STX1B: variants seen among roughly 807,000 people sequenced by gnomAD.
STX1B encodes syntaxin 1B.
Under a neutral mutation model 39.4 loss-of-function variants are expected in STX1B, and 7 were observed. The ratio of observed to expected loss-of-function variants is 0.18; its 90% CI spans 0.10 to 0.33. The LOEUF is 0.33. STX1B is among the 10% of genes least tolerant of loss of function. The pLI is 1.00. For synonymous variants in STX1B, 136 were observed against 144.1 expected (o/e 0.94, Z 0.40); for missense variants, 198 against 383.2 (o/e 0.52, Z 4.04).
chr16:30,993,377 A>C lies in STX1B; in HGVS notation c.645T>G (p.Phe215Leu). The C allele has an allele frequency of 6.2e-7, 1 of 1,614,186 alleles. No homozygotes were observed. Residue 215 changes from phenylalanine (F) to leucine (L), a missense_variant, in exon 8 of 10, where the codon TTT becomes TTG. Phe to Leu is a conservative substitution (Grantham distance 22). Coordinates refer to ENST00000215095, the MANE Select transcript of STX1B (RefSeq NM_052874.5). ...ETSIRELHDM[F>L]VDMAMLVESQ... ...TCTCTACGAGCATGGCCATGTCCAC[A>C]AACATATCGTGCAGCTCGCGGATGC...
chr16:30,994,622 G>A (rs2056582141), intron 7 of STX1B, among the ~76,000 whole-genome samples: 1 of 124,496 alleles, frequency 8.0e-6, no homozygotes, highest in Admixed American at 8.3e-5. Context: ...GTGGGGAAGA[G>A]ACCGTGACCC....
In STX1B at chr16:30,993,453, G is replaced by A. The variant is rs369310107; in HGVS notation, c.569C>T (p.Ala190Val). 6.8e-6 allele frequency: 11 copies of A among 1,613,912 alleles called. No individual in the cohort carries two copies. Among genetic ancestry groups the A allele is most frequent in the Non-Finnish European group, 9.3e-6 (11 of 1,180,014 alleles). ...IKMDSQMTKQALNEIETRHNE... is the reference protein window; with the variant it reads ...IKMDSQMTKQVLNEIETRHNE... ...GTGCCTCGTCTCAATCTCATTCAGCGCCTGCTTCGTCATCTGTGAGTCCAT... is the reference window on the plus strand; with the variant it reads ...GTGCCTCGTCTCAATCTCATTCAGCACCTGCTTCGTCATCTGTGAGTCCAT... Residue 190 changes from alanine to valine, a missense_variant, in exon 8 of 10, where the codon GCG becomes GTG. Physicochemically the swap from Ala to Val is moderately conservative, Grantham distance 64. Transcript: ENST00000215095.
At chr16:31,004,036 C>G (rs1270188510) in intron 1 of STX1B, among the ~76,000 whole-genome samples, 1 of 152,196 alleles carries the variant, frequency 6.6e-6, no homozygotes, top group Admixed American at 6.5e-5. Flanking sequence ...GCTACCTCCC[C>G]CACTGACTTT....
At position 31,002,447 on chromosome 16, in the gene STX1B, C is replaced by A. The variant is rs183956123; in HGVS notation, c.31-844G>T. On this transcript the variant is annotated intron_variant, in intron 1 of 9. Coordinates refer to ENST00000215095, the MANE Select transcript of STX1B (RefSeq NM_052874.5). ...CACAGGAATAGGCCCCCCCGACACC[C>A]ACACGGAGATGCACTGATGCTGGCG... Among the ~76,000 whole-genome samples, 35 of 151,204 alleles carry A rather than the reference C, an allele frequency of 2.3e-4. No homozygotes were observed. In the East Asian group the frequency reaches 6.5e-3, roughly 28 times the overall value.
At chr16:31,004,190 T>C (rs905278574) in intron 1 of STX1B, among the ~76,000 whole-genome samples, 1 of 152,248 alleles carries the variant, frequency 6.6e-6, no homozygotes, top group Non-Finnish European at 1.5e-5. Flanking sequence ...TCATTTAATC[T>C]TCATTAGGAC....
chr16:31,007,723 A>AG (rs1015193064), intron 1 of STX1B, among the ~76,000 whole-genome samples: 5 of 152,166 alleles, frequency 3.3e-5, no homozygotes, highest in African/African-American at 1.2e-4. Context: ...TGCCCATCGC[A>AG]GGGGGCTTGT....
chr16:31,007,833 A>C (rs1400355249), intron 1 of STX1B, among the ~76,000 whole-genome samples: 1 of 152,094 alleles, frequency 6.6e-6, no homozygotes, highest in African/African-American at 2.4e-5. Flanking sequence ...CATATTAACT[A>C]CTTCCAGTCC....
chr16:30,993,909 C>CG (rs1474112118), intron 7 of STX1B, among the ~76,000 whole-genome samples: 2 of 150,752 alleles, frequency 1.3e-5, no homozygotes, highest in East Asian at 3.9e-4. Context: ...TGCTTGAACC[C>CG]GGGGGGGCAG....
chr16:30,989,262 G>C lies in STX1B; in HGVS notation c.*3559C>G, dbSNP rs2056533115. On this transcript the variant is annotated 3_prime_UTR_variant, in exon 10 of 10. Transcript: ENST00000215095. ...GAAGTGAGCACACGGCACACCCGCT[G>C]TTGGATTGGTTGCTATTTCTCCCGT... 6.6e-6 allele frequency: 1 copy of C among 152,250 alleles called. No homozygotes were observed. Among genetic ancestry groups the C allele is most frequent in the African/African-American group, 2.4e-5 (1 of 41,440 alleles). The allele number at this position is 152,250 out of a possible 1,614,324, so 9.4% of individuals were successfully genotyped here.
At chr16:31,006,319 C>T (rs2056655037) in intron 1 of STX1B, among the ~76,000 whole-genome samples, 1 of 152,172 alleles carries the variant, frequency 6.6e-6, no homozygotes, top group Admixed American at 6.5e-5. Context: ...GGCCCTCTCA[C>T]CCTGACCTCT....
At chr16:31,000,520 T>G (rs1470009570) in intron 4 of STX1B, among the ~76,000 whole-genome samples, 3 of 149,244 alleles carry the variant, frequency 2.0e-5, no homozygotes, top group Non-Finnish European at 4.5e-5. Context: ...TGAAACAGAG[T>G]CTCTCTCTGT....
Position 31,010,477 on chromosome 16 carries a change from G to T in STX1B, c.-81C>A. ...GTCTCCCGCCTCTGTGCCGGAGGCCGGGGTCTGGGGGCGCCGGGGGGCGCC... is the reference window on the plus strand; with the variant it reads ...GTCTCCCGCCTCTGTGCCGGAGGCCTGGGTCTGGGGGCGCCGGGGGGCGCC... On this transcript the variant is annotated 5_prime_UTR_variant, in exon 1 of 10. Transcript: ENST00000215095. 1 of 1,156,000 alleles carries T rather than the reference G, an allele frequency of 8.7e-7. No individual in the cohort carries two copies. The highest frequency in any genetic ancestry group is 1.1e-6 in the Non-Finnish European group (1 of 901,838). The allele number at this position is 1,156,000 out of a possible 1,614,324, so 71.6% of individuals were successfully genotyped here. A position where few individuals can be genotyped will look rare whatever the true frequency, so the allele number is the denominator to read the frequency against.
intron 7 of STX1B, among the ~76,000 whole-genome samples, chr16:30,995,514 C>CA (rs1450165814): frequency 6.7e-6 from 1 of 149,542 alleles, no homozygotes; most frequent in African/African-American, 2.5e-5. Flanking sequence ...TTTTAAGAGA[C>CA]AGAGTGTCAG....
In STX1B at chr16:30,990,208, C is replaced by A. The variant is rs2056544460; in HGVS notation, c.*2613G>T. On this transcript the variant is annotated 3_prime_UTR_variant, in exon 10 of 10. Coordinates refer to ENST00000215095, the MANE Select transcript of STX1B (RefSeq NM_052874.5). ...CAAGGCCGTGGGACTTCCGGAAACA[C>A]CTGGGCTGAATGGGGGTCCTGTCCA... The A allele has an allele frequency of 1.3e-5, 2 of 152,372 alleles. No homozygotes were observed. Among genetic ancestry groups the A allele is most frequent in the Admixed American group, 6.5e-5 (1 of 15,286 alleles). 9.4% of individuals were successfully genotyped at this position (152,372 alleles called of 1,614,324 possible). A position where few individuals can be genotyped will look rare whatever the true frequency, so the allele number is the denominator to read the frequency against.
chr16:30,993,709 G>A (rs1421757440), intron 7 of STX1B, among the ~76,000 whole-genome samples: 1 of 152,204 alleles, frequency 6.6e-6, no homozygotes, highest in East Asian at 1.9e-4. Flanking sequence ...TGTACACATT[G>A]GTCAGGCACG....
At chr16:30,998,376 G>A (rs970520410) in intron 4 of STX1B, among the ~76,000 whole-genome samples, 3 of 152,014 alleles carry the variant, frequency 2.0e-5, no homozygotes, top group Non-Finnish European at 4.4e-5. Flanking sequence ...TGGCAGTGGG[G>A]GAGGTACGGG....
chr16:31,009,112 C>T (rs1297218321), intron 1 of STX1B, among the ~76,000 whole-genome samples: 2 of 152,138 alleles, frequency 1.3e-5, no homozygotes, highest in African/African-American at 2.4e-5. Flanking sequence ...GGTCACTTGC[C>T]TCCAAACACC....
rs1192345966 is a variant in STX1B, at chr16:31,000,084, G to A, written c.280+844C>T. Among the ~76,000 whole-genome samples, 4 of 148,752 alleles carry A rather than the reference G, an allele frequency of 2.7e-5. No individual in the cohort carries two copies. In the East Asian group the frequency reaches 8.1e-4, roughly 30 times the overall value. On this transcript the variant is annotated intron_variant, in intron 4 of 9. Coordinates refer to ENST00000215095, the MANE Select transcript of STX1B (RefSeq NM_052874.5). ...GCGATCTCGGCTCACTGCAACCTCTGCCTCCCGGGTTCAAGTGATTCCCCT... is the reference window on the plus strand; with the variant it reads ...GCGATCTCGGCTCACTGCAACCTCTACCTCCCGGGTTCAAGTGATTCCCCT...
rs1596711941 is a variant in STX1B, at chr16:30,990,240, C to T, written c.*2581G>A. ...TGAATGGGGGTCCTGTCCAGGCGGC[C>T]GGAAGAGGGGACTGGGGGCTGGGGC... On this transcript the variant is annotated 3_prime_UTR_variant, in exon 10 of 10. Coordinates refer to ENST00000215095, the MANE Select transcript of STX1B (RefSeq NM_052874.5). The T allele has an allele frequency of 1.3e-5, 2 of 152,282 alleles. No individual in the cohort carries two copies. The highest frequency in any genetic ancestry group is 6.5e-5 in the Admixed American group (1 of 15,276). The allele number at this position is 152,282 out of a possible 1,614,324, so 9.4% of individuals were successfully genotyped here.
Sources: gnomAD v4.1 joint callset for allele counts (sites outside exome capture counted in the v4.1 genomes callset) on GRCh38, gnomAD v4.1.1 for gene constraint, MANE v1.5 for transcripts, NCBI Gene and HGNC (gene_info 2026-07-23, HGNC 2026-07-21) for gene names.